ARHGAP21: variants seen among roughly 807,000 people sequenced by gnomAD.
The protein encoded by ARHGAP21 is rho GTPase-activating protein 21.
In ARHGAP21, 38 loss-of-function variants were observed where a neutral mutation model predicts 164.6. The ratio of observed to expected loss-of-function variants is 0.23; its 90% CI spans 0.18 to 0.30. ARHGAP21 has a LOEUF of 0.30. ARHGAP21 is among the 10% of genes least tolerant of loss of function. ARHGAP21 has a pLI of 1.00. For synonymous variants in ARHGAP21, 766 were observed against 857.9 expected, an observed-to-expected ratio of 0.89 and a Z score of 1.87; for missense variants, 1,822 against 2,370.7, an observed-to-expected ratio of 0.77 and a Z score of 4.81.
chr10:24,655,826 C>G (rs867811077), intron 4 of ARHGAP21, among the ~76,000 whole-genome samples: 2 of 135,494 alleles, frequency 1.5e-5, no homozygotes, highest in East Asian at 2.2e-4. Context: ...TCTGCCCGGC[C>G]GCCCATCGTC....
intron 4 of ARHGAP21, among the ~76,000 whole-genome samples, chr10:24,653,113 G>T (rs1475022844): frequency 1.3e-5 from 2 of 152,142 alleles, no homozygotes; most frequent in African/African-American, 4.8e-5. Flanking sequence ...CCCATTTTAA[G>T]TGCAGGGTTC....
At chr10:24,616,677 C>T (rs891185358) in intron 9 of ARHGAP21, among the ~76,000 whole-genome samples, 4 of 151,902 alleles carry the variant, frequency 2.6e-5, no homozygotes, top group South Asian at 2.1e-4. Context: ...AGGTAACAGT[C>T]GTAGCATTTT....
intron 2 of ARHGAP21, among the ~76,000 whole-genome samples, chr10:24,704,666 G>C (rs1271060343): frequency 1.3e-5 from 2 of 151,718 alleles, no homozygotes; most frequent in Non-Finnish European, 2.9e-5. Flanking sequence ...ACAGGGTTTT[G>C]CCATGTTGCC....
intron 2 of ARHGAP21, among the ~76,000 whole-genome samples, chr10:24,710,436 G>T (rs1229158303): frequency 6.6e-6 from 1 of 152,086 alleles, no homozygotes; most frequent in African/African-American, 2.4e-5. Context: ...TCTACAGTAG[G>T]TGAGGTCAGC....
At chr10:24,601,225 A>T (rs552076127) in intron 13 of ARHGAP21, among the ~76,000 whole-genome samples, 1 of 152,218 alleles carries the variant, frequency 6.6e-6, no homozygotes, top group African/African-American at 2.4e-5. Flanking sequence ...CATATCAAAA[A>T]CAGTAACGGA....
intron 4 of ARHGAP21, among the ~76,000 whole-genome samples, chr10:24,647,821 A>G (rs1407599317): frequency 6.6e-6 from 1 of 152,218 alleles, no homozygotes; most frequent in African/African-American, 2.4e-5. Flanking sequence ...AGTATGTAAG[A>G]AAAGTTTACT....
At chr10:24,641,516 G>A (rs1837016986) in intron 4 of ARHGAP21, among the ~76,000 whole-genome samples, 1 of 152,164 alleles carries the variant, frequency 6.6e-6, no homozygotes, top group Non-Finnish European at 1.5e-5. Flanking sequence ...AATGTCACCT[G>A]TCAGGTCTCA....
In ARHGAP21 at chr10:24,600,842, T is replaced by G; in HGVS notation, c.2936A>C (p.Gln979Pro). The G allele has an allele frequency of 6.2e-7, 1 of 1,614,216 alleles. No individual in the cohort carries two copies. Among genetic ancestry groups the G allele is most frequent in the Non-Finnish European group, 8.5e-7 (1 of 1,180,008 alleles). The change falls in exon 14 of 26, where the codon CAG (glutamine) becomes CCG (proline). Residue 979 changes from glutamine (Q) to proline (P), a missense_variant. This residue lies in a region of ARHGAP21 where 1,090 missense variants were observed against 1,378.9 expected (regional missense o/e 0.79). Transcript: ENST00000396432. Reference sequence around the variant, plus strand: ...CTGCTCTTCCTCAGACGGAGTCGTCTGCTCTCTTTTATCTTTGTACAGGTA... The same window carrying G: ...CTGCTCTTCCTCAGACGGAGTCGTCGGCTCTCTTTTATCTTTGTACAGGTA... ...SLYLYKDKRE[Q>P]TTPSEEEQPI...
intron 2 of ARHGAP21, among the ~76,000 whole-genome samples, chr10:24,690,254 A>G (rs1194400549): frequency 6.6e-6 from 1 of 152,180 alleles, no homozygotes; most frequent in South Asian, 2.1e-4. Flanking sequence ...TAAATTCCTA[A>G]GAATGGAGCT....
intron 6 of ARHGAP21, 146 bp from the exon 7 acceptor site, chr10:24,630,196 A>T (rs1835718431): frequency 2.1e-6 from 1 of 475,972 alleles, no homozygotes; most frequent in Non-Finnish European, 3.6e-6. Flanking sequence ...AAATCAAATC[A>T]TTAGAATGAA....
At chr10:24,604,940 C>A (rs970143441) in intron 11 of ARHGAP21, among the ~76,000 whole-genome samples, 1 of 152,030 alleles carries the variant, frequency 6.6e-6, no homozygotes, top group Admixed American at 6.6e-5. Flanking sequence ...TTAAAGTAAT[C>A]GAAAATAATT....
intron 2 of ARHGAP21, among the ~76,000 whole-genome samples, chr10:24,689,774 A>G (rs1298922900): frequency 6.6e-6 from 1 of 151,138 alleles, no homozygotes; most frequent in Non-Finnish European, 1.5e-5. Context: ...GTATGTATAT[A>G]TGTGTGTGTA....
chr10:24,613,375 C>T (rs2077348480), intron 9 of ARHGAP21, among the ~76,000 whole-genome samples: 1 of 152,026 alleles, frequency 6.6e-6, no homozygotes, highest in African/African-American at 2.4e-5. Flanking sequence ...GATGGGTGCC[C>T]ATCACCTAGT....
At chr10:24,619,415 T>C in intron 9 of ARHGAP21, 58 bp downstream of exon 9, 5 of 1,495,016 alleles carry the variant, frequency 3.3e-6, no homozygotes, top group Non-Finnish European at 4.5e-6. Flanking sequence ...AATAATACTT[T>C]TCTGGAAAGA....
chr10:24,689,574 T>C (rs1218783390), intron 2 of ARHGAP21, among the ~76,000 whole-genome samples: 2 of 151,888 alleles, frequency 1.3e-5, no homozygotes, highest in East Asian at 1.9e-4. Context: ...ACCCCATCTC[T>C]ACAAAAAATA....
At chr10:24,671,310 C>A (rs116989905) in intron 2 of ARHGAP21, among the ~76,000 whole-genome samples, 1 of 152,138 alleles carries the variant, frequency 6.6e-6, no homozygotes, top group African/African-American at 2.4e-5. Context: ...TGACTACCAA[C>A]CTCAAGAGAG....
At chr10:24,718,640 C>T (rs1357612741) in intron 2 of ARHGAP21, among the ~76,000 whole-genome samples, 1 of 152,122 alleles carries the variant, frequency 6.6e-6, no homozygotes, top group African/African-American at 2.4e-5. Context: ...AAGGAAGAGT[C>T]AACACATGGA....
In ARHGAP21 at chr10:24,584,592, A is replaced by G; in HGVS notation, c.5697T>C (p.Ser1899=). Reference sequence around the variant, plus strand: ...TGTTTGTTGAAGCCAAGGTGCTGGAAGAACTGCCTGTGTTGCAATGAAGAG... The same window carrying G: ...TGTTTGTTGAAGCCAAGGTGCTGGAGGAACTGCCTGTGTTGCAATGAAGAG... ...PLSLHCNTGS[S]SSTLASTNRP... The change falls in exon 26 of 26, where the codon TCT becomes TCC. Residue 1899 remains serine (S), a synonymous_variant. Transcript: ENST00000396432. The G allele has an allele frequency of 9.3e-6, 15 of 1,613,942 alleles. No individual in the cohort carries two copies. Among genetic ancestry groups the G allele is most frequent in the Non-Finnish European group, 1.3e-5 (15 of 1,179,868 alleles).
intron 2 of ARHGAP21, among the ~76,000 whole-genome samples, chr10:24,689,774 A>ATG (rs986382359): frequency 3.3e-5 from 5 of 151,138 alleles, no homozygotes; most frequent in African/African-American, 9.7e-5. Context: ...GTATGTATAT[A>ATG]TGTGTGTGTA....
Sources: gnomAD v4.1 joint callset for allele counts (sites outside exome capture counted in the v4.1 genomes callset) on GRCh38, gnomAD v4.1.1 for gene constraint, gnomAD v4.1.1 regional missense constraint, MANE v1.5 for transcripts, NCBI Gene and HGNC (gene_info 2026-07-23, HGNC 2026-07-21) for gene names.